Variants in GAS7 observed in about 807,000 individuals in gnomAD.
GAS7 encodes growth arrest-specific protein 7.
Under a neutral mutation model 71.1 loss-of-function variants are expected in GAS7, and 28 were observed. That is an observed-to-expected ratio of 0.39 (90% confidence interval 0.29 to 0.54). The LOEUF is 0.54. Ranked by LOEUF, GAS7 falls within the 20% of genes least tolerant of loss-of-function variation. The pLI is 0.62. For missense variants in GAS7, 436 were observed against 627.8 expected (o/e 0.69, Z 3.27); for synonymous variants, 258 against 245.8 (o/e 1.05, Z -0.46).
At chr17:9,993,767 A>T (rs978055044) in intron 2 of GAS7, among the ~76,000 whole-genome samples, 2 of 150,960 alleles carry the variant, frequency 1.3e-5, no homozygotes, top group Admixed American at 6.6e-5. Flanking sequence ...ACATGATTGT[A>T]TATCTAGAAA....
chr17:10,154,650 C>T (rs1356480187), intron 1 of GAS7, among the ~76,000 whole-genome samples: 7 of 152,168 alleles, frequency 4.6e-5, no homozygotes, highest in South Asian at 4.1e-4. Context: ...GCCGCCCAAC[C>T]GCCCATCTCT....
intron 1 of GAS7, among the ~76,000 whole-genome samples, chr17:10,147,407 A>G (rs766111794): frequency 3.8e-4 from 58 of 152,230 alleles, no homozygotes; most frequent in Non-Finnish European, 7.3e-4. Flanking sequence ...GAAATTTACA[A>G]AAATGCTCAG....
chr17:10,030,998 T>C (rs895204390), intron 1 of GAS7, among the ~76,000 whole-genome samples: 2 of 152,176 alleles, frequency 1.3e-5, no homozygotes, highest in African/African-American at 4.8e-5. Context: ...ACACCATCAC[T>C]GTCCTCTGTC....
intron 2 of GAS7, among the ~76,000 whole-genome samples, chr17:10,016,123 C>A (rs1265128882): frequency 1.3e-5 from 2 of 150,830 alleles, no homozygotes; most frequent in Non-Finnish European, 3.0e-5. Context: ...CGGTGGCTCA[C>A]GCCTGTAATG....
intron 13 of GAS7, among the ~76,000 whole-genome samples, chr17:9,917,701 TG>T (rs2067631147): frequency 6.6e-6 from 1 of 152,250 alleles, no homozygotes; most frequent in Non-Finnish European, 1.5e-5. Flanking sequence ...TTTTTGGTTT[TG>T]TTTTTTAAGA....
intron 1 of GAS7, chr17:10,036,476 A>G: frequency 3.1e-6 from 5 of 1,613,848 alleles, no homozygotes; most frequent in Non-Finnish European, 4.2e-6. Context: ...GCTACCTCAG[A>G]GGAGAGTCTT....
chr17:10,039,667 A>G (rs910349745), intron 1 of GAS7: 3 of 447,630 alleles, frequency 6.7e-6, no homozygotes, highest in African/African-American at 4.1e-5. Context: ...TGGACGTCAG[A>G]GTGAGACCCT....
intron 1 of GAS7, among the ~76,000 whole-genome samples, chr17:10,102,324 G>T (rs16959319): frequency 0.12 from 18,529 of 150,986 alleles, 1,224 homozygotes; most frequent in East Asian, 0.24. Flanking sequence ...CAATTCAGCT[G>T]AAATTAAGGG....
chr17:10,194,156 G>T (rs2074522950), intron 1 of GAS7, among the ~76,000 whole-genome samples: 1 of 152,198 alleles, frequency 6.6e-6, no homozygotes, highest in Non-Finnish European at 1.5e-5. Flanking sequence ...AAAGGAAAAG[G>T]CTCTTTTTAG....
intron 5 of GAS7, among the ~76,000 whole-genome samples, chr17:9,948,652 C>T (rs1250512778): frequency 1.3e-5 from 2 of 151,408 alleles, no homozygotes; most frequent in Non-Finnish European, 2.9e-5. Context: ...CATTGCACTC[C>T]AGCCTGGGTG....
intron 1 of GAS7, among the ~76,000 whole-genome samples, chr17:10,093,910 A>G (rs2073614931): frequency 6.6e-6 from 1 of 152,178 alleles, no homozygotes; most frequent in African/African-American, 2.4e-5. Flanking sequence ...CCAAGAAATC[A>G]GACATGGCTC....
rs144463378 is a variant in GAS7 at position 10,112,829 on chromosome 17, A to C, written c.183+85379T>G. The stretch of plus-strand genomic sequence containing the variant: ...AGAGAGAGAAAAGGAAGAAAGAGGG[A>C]AGGAAGGAAAGAAAGAAAAGAAAAG... On this transcript the variant is annotated intron_variant, in intron 1 of 13. Coordinates refer to ENST00000432992, the MANE Select transcript of GAS7 (RefSeq NM_201433.2). Among the ~76,000 whole-genome samples, 3 of 151,998 alleles carry C rather than the reference A, an allele frequency of 2.0e-5. No individual in the cohort carries two copies. The East Asian group carries it at 5.8e-4, about 29-fold the overall frequency.
intron 1 of GAS7, among the ~76,000 whole-genome samples, chr17:10,075,607 C>T (rs1217025932): frequency 6.6e-6 from 1 of 151,862 alleles, no homozygotes; most frequent in African/African-American, 2.4e-5. Flanking sequence ...CCAGCCTGGG[C>T]AATATAGCGA....
intron 1 of GAS7, among the ~76,000 whole-genome samples, chr17:10,050,941 G>A (rs1370460413): frequency 1.3e-5 from 2 of 152,140 alleles, no homozygotes; most frequent in Non-Finnish European, 2.9e-5. Flanking sequence ...TGGGGTGTGG[G>A]TGGGGCTAAG....
At position 10,046,848 on chromosome 17, in the gene GAS7, A is replaced by AAGGAAGGAAGGAAG. The variant is rs1567567297; in HGVS notation, c.184-26952_184-26951insCTTCCTTCCTTCCT. ...AGGAAGGAAGGAAGGAAGGAAGGAA[A>AAGGAAGGAAGGAAG]GAAAAGAAAAGAAAAAAGAAAAGAA... On this transcript the variant is annotated intron_variant, in intron 1 of 13. Coordinates refer to ENST00000432992, the MANE Select transcript of GAS7 (RefSeq NM_201433.2). 1.5e-4 allele frequency among the ~76,000 whole-genome samples: 19 copies of AAGGAAGGAAGGAAG among 124,246 alleles called. 2 individuals carry two copies. The highest frequency in any genetic ancestry group is 1.1e-3 in the East Asian group (5 of 4,398). The allele number at this position is 124,246 out of a possible 152,430, so 81.5% of individuals were successfully genotyped here.
At position 9,917,264 on chromosome 17, in the gene GAS7, C is replaced by G. The variant is rs967868961; in HGVS notation, c.1395G>C (p.Lys465Asn). ...TGTCCACAGGGCGGATGTTGCCCGT[C>G]TTGTGCTCTCTGACCCACAGCTCCC... is the stretch of plus-strand genomic sequence containing the variant. The part of the protein sequence containing the change: ...KDRELWVREH[K>N]TGNIRPVDME... The change falls in exon 14 of 14, where the codon AAG (lysine) becomes AAC (asparagine). Residue 465 changes from lysine to asparagine, a missense_variant. Coordinates refer to ENST00000432992, the MANE Select transcript of GAS7 (RefSeq NM_201433.2). 6.2e-6 allele frequency: 10 copies of G among 1,613,504 alleles called. No homozygotes were observed. The highest frequency in any genetic ancestry group is 1.3e-5 in the African/African-American group (1 of 74,946).
intron 1 of GAS7, among the ~76,000 whole-genome samples, chr17:10,063,985 C>T (rs771414140): frequency 1.3e-5 from 2 of 152,192 alleles, no homozygotes; most frequent in African/African-American, 4.8e-5. Flanking sequence ...TTAGCACGAG[C>T]GCTCGTCCCC....
chr17:10,105,889 G>A (rs2073751790), intron 1 of GAS7, among the ~76,000 whole-genome samples: 1 of 152,186 alleles, frequency 6.6e-6, no homozygotes, highest in South Asian at 2.1e-4. Flanking sequence ...GCATCTGCCC[G>A]ATGACTCTGC....
In GAS7 at chr17:9,918,079, C is replaced by T; in HGVS notation, c.1239G>A (p.Val413=). The T allele has an allele frequency of 1.2e-6, 2 of 1,613,642 alleles. No homozygotes were observed. The highest frequency in any genetic ancestry group is 2.7e-5 in the African/African-American group (2 of 75,052). ...TTTLELERLE[V]ERVEMIRQHL... is the part of the protein sequence containing the mutation. ...GCTGCCGGATCATCTCTACCCTCTC[C>T]ACCTCCAGCCGCTCTAGCTCCTGCC... is the stretch of plus-strand genomic sequence containing the variant. Residue 413 remains valine, a synonymous_variant, in exon 13 of 14, where the codon GTG becomes GTA. Transcript: ENST00000432992.
Sources: gnomAD v4.1 joint callset for allele counts (sites outside exome capture counted in the v4.1 genomes callset) on GRCh38, gnomAD v4.1.1 for gene constraint, MANE v1.5 for transcripts, NCBI Gene and HGNC (gene_info 2026-07-23, HGNC 2026-07-21) for gene names.